Variants in PARD3B observed in about 807,000 individuals in gnomAD.
PARD3B encodes par-3 family cell polarity regulator beta.
PARD3B carries 103 observed loss-of-function variants against 130.2 expected under a neutral mutation model. The ratio of observed to expected loss-of-function variants is 0.79; its 90% CI spans 0.67 to 0.93. The LOEUF (loss-of-function observed/expected upper bound fraction) is 0.93. Among genes scored for constraint, PARD3B ranks in the 40% least tolerant of loss-of-function variants. PARD3B has a pLI of 0.00. For missense variants in PARD3B, 1,609 were observed against 1,499.2 expected (o/e 1.07, Z -1.21); for synonymous variants, 583 against 553.2 (o/e 1.05, Z -0.76).
chr2:205,141,286 T>A (rs941557364), intron 10 of PARD3B, among the ~76,000 whole-genome samples: 3 of 152,040 alleles, frequency 2.0e-5, no homozygotes, highest in Non-Finnish European at 2.9e-5. Flanking sequence ...GAAGAAAAAA[T>A]AAAAAAATAA....
At chr2:205,391,574 T>G (rs2045861239) in intron 18 of PARD3B, among the ~76,000 whole-genome samples, 1 of 152,236 alleles carries the variant, frequency 6.6e-6, no homozygotes, top group Non-Finnish European at 1.5e-5. Flanking sequence ...CCAGAAATCG[T>G]AAGCATTTCA....
intron 3 of PARD3B, among the ~76,000 whole-genome samples, chr2:204,980,223 C>T (rs11693416): frequency 0.74 from 113,156 of 152,114 alleles, 42,992 homozygotes; most frequent in Non-Finnish European, 0.81. Flanking sequence ...TCAACTTCAT[C>T]AATCGTGACA....
intron 20 of PARD3B, among the ~76,000 whole-genome samples, chr2:205,476,636 G>T (rs1295974491): frequency 6.6e-6 from 1 of 150,858 alleles, no homozygotes; most frequent in Non-Finnish European, 1.5e-5. Flanking sequence ...TTTTTTGTTT[G>T]TTTGTTTGTT....
chr2:205,306,876 T>C (rs879245109), intron 18 of PARD3B, among the ~76,000 whole-genome samples: 3 of 152,256 alleles, frequency 2.0e-5, no homozygotes, highest in Admixed American at 2.0e-4. Context: ...GTTGCTCAGA[T>C]GCTATTGACT....
intron 4 of PARD3B, among the ~76,000 whole-genome samples, chr2:205,063,697 C>G (rs1700190682): frequency 6.6e-6 from 1 of 152,010 alleles, no homozygotes; most frequent in South Asian, 2.1e-4. Context: ...AAATGAGGTA[C>G]ATAGAGGTTA....
chr2:204,927,715 A>G (rs1334391751), intron 2 of PARD3B, among the ~76,000 whole-genome samples: 2 of 152,140 alleles, frequency 1.3e-5, no homozygotes, highest in Non-Finnish European at 2.9e-5. Flanking sequence ...AAAACGAGTC[A>G]TGACTTTTTC....
intron 16 of PARD3B, among the ~76,000 whole-genome samples, chr2:205,248,396 T>C (rs2039663754): frequency 7.4e-6 from 1 of 135,554 alleles, no homozygotes; most frequent in South Asian, 2.6e-4. Context: ...GTGGTGGTGG[T>C]GGTGGTGGTG....
intron 18 of PARD3B, among the ~76,000 whole-genome samples, chr2:205,329,254 C>A (rs565246664): frequency 6.6e-6 from 1 of 152,110 alleles, no homozygotes; most frequent in Non-Finnish European, 1.5e-5. Context: ...AGAGCAAAGA[C>A]TACAATTTAA....
intron 16 of PARD3B, among the ~76,000 whole-genome samples, chr2:205,277,221 A>G (rs533044009): frequency 2.6e-4 from 39 of 152,376 alleles, no homozygotes; most frequent in South Asian, 8.3e-4. Flanking sequence ...GAAGACAGGT[A>G]TATACACAAA....
chr2:204,575,689 G>C (rs1022077306), intron 1 of PARD3B, among the ~76,000 whole-genome samples: 15 of 152,222 alleles, frequency 9.9e-5, no homozygotes, highest in African/African-American at 3.1e-4. Context: ...CCAGTGCTGA[G>C]ACAGCTGGAG....
intron 15 of PARD3B, among the ~76,000 whole-genome samples, chr2:205,239,190 AG>A (rs2039240941): frequency 6.6e-6 from 1 of 151,874 alleles, no homozygotes; most frequent in Non-Finnish European, 1.5e-5. Flanking sequence ...GGGCCTTTTA[AG>A]GTCAAAGCTT....
intron 2 of PARD3B, among the ~76,000 whole-genome samples, chr2:204,953,490 GT>G (rs1689988973): frequency 6.6e-6 from 1 of 150,918 alleles, no homozygotes; most frequent in Admixed American, 6.6e-5. Flanking sequence ...AAGCACCAGA[GT>G]TTAATTCTTT....
At chr2:205,251,030 T>C (rs1223569693) in intron 16 of PARD3B, among the ~76,000 whole-genome samples, 1 of 152,190 alleles carries the variant, frequency 6.6e-6, no homozygotes, top group Admixed American at 6.5e-5. Context: ...AGCTTATGCT[T>C]TGGGGCAATT....
At position 205,259,051 on chromosome 2, in the gene PARD3B, C is replaced by G. The variant is rs147004514; in HGVS notation, c.2185+13229C>G. Among the ~76,000 whole-genome samples the G allele has an allele frequency of 4.8e-3, 725 of 152,216 alleles. 6 individuals are homozygous for G. The highest frequency in any genetic ancestry group is 0.017 in the African/African-American group (695 of 41,532). On this transcript the variant is annotated intron_variant, in intron 16 of 22. Coordinates refer to ENST00000406610, the MANE Select transcript of PARD3B (RefSeq NM_001302769.2). ...CCAAACAATACAAGGAACTGAGAAC[C>G]CTTTAGCTTTCCTTACCTGCTTCCA...
At chr2:205,259,493 C>A (rs2040218756) in intron 16 of PARD3B, among the ~76,000 whole-genome samples, 1 of 152,086 alleles carries the variant, frequency 6.6e-6, no homozygotes, top group South Asian at 2.1e-4. Context: ...CTCTTAAATT[C>A]TCTTTGTCCT....
rs139697000 is a variant in PARD3B at position 205,181,126 on chromosome 2, C to G, written c.1924+4549C>G. Among the ~76,000 whole-genome samples, 428 of 152,286 alleles carry G rather than the reference C, an allele frequency of 2.8e-3. 3 individuals carry two copies. The highest frequency in any genetic ancestry group is 1.0e-2 in the African/African-American group (414 of 41,568). On this transcript the variant is annotated intron_variant, in intron 13 of 22. Transcript: ENST00000406610. ...ACCCACTGCCCCCAAATCTGCCCAG[C>G]ATCACCCACTGGGTTAGGCCTTTCA... is the stretch of plus-strand genomic sequence containing the variant.
intron 1 of PARD3B, among the ~76,000 whole-genome samples, chr2:204,674,494 A>G (rs1006511919): frequency 6.1e-5 from 8 of 130,742 alleles, no homozygotes; most frequent in East Asian, 2.7e-4. Context: ...TTACTGCCAC[A>G]CTGAAAAGAA....
At chr2:205,415,230 A>T (rs1268728341) in intron 19 of PARD3B, among the ~76,000 whole-genome samples, 2 of 152,166 alleles carry the variant, frequency 1.3e-5, no homozygotes, top group Non-Finnish European at 2.9e-5. Context: ...ATATGTTTCT[A>T]TATAGGATAT....
chr2:204,552,638 A>G (rs2030544644), intron 1 of PARD3B, among the ~76,000 whole-genome samples: 1 of 152,168 alleles, frequency 6.6e-6, no homozygotes, highest in Non-Finnish European at 1.5e-5. Context: ...CAGGTCTTAG[A>G]TTTAAATCCT....
Sources: gnomAD v4.1 joint callset for allele counts (sites outside exome capture counted in the v4.1 genomes callset) on GRCh38, gnomAD v4.1.1 for gene constraint, MANE v1.5 for transcripts, NCBI Gene and HGNC (gene_info 2026-07-23, HGNC 2026-07-21) for gene names.